HNRNPM: variants seen among roughly 807,000 people sequenced by gnomAD.
The protein encoded by HNRNPM is heterogeneous nuclear ribonucleoprotein M, also known as CEA receptor.
Under a neutral mutation model 73.1 loss-of-function variants are expected in HNRNPM, and 11 were observed. The observed-to-expected ratio is 0.15, with a 90% CI of 0.09 to 0.25. The LOEUF is 0.25. Ranked by LOEUF, HNRNPM falls within the 10% of genes least tolerant of loss-of-function variation. The pLI is 1.00. For missense variants in HNRNPM, 789 were observed against 1,067.9 expected (o/e 0.74, Z 3.64); for synonymous variants, 407 against 355.2 (o/e 1.15, Z -1.64).
intron 1 of HNRNPM, among the ~76,000 whole-genome samples, chr19:8,446,890 G>A (rs1209907755): frequency 6.6e-6 from 1 of 152,160 alleles, no homozygotes; most frequent in African/African-American, 2.4e-5. Context: ...CTCTGGGAAG[G>A]AATGTGTTAA....
At chr19:8,464,017 T>A (rs1969570688) in intron 5 of HNRNPM, among the ~76,000 whole-genome samples, 1 of 152,190 alleles carries the variant, frequency 6.6e-6, no homozygotes, top group Non-Finnish European at 1.5e-5. Flanking sequence ...TTGGCCCATC[T>A]TTTTTCTTTT....
intron 7 of HNRNPM, among the ~76,000 whole-genome samples, chr19:8,466,852 AG>A (rs958767388): frequency 7.2e-6 from 1 of 138,996 alleles, no homozygotes; most frequent in African/African-American, 2.6e-5. Flanking sequence ...AAAAAAAAAA[AG>A]GTTCTCTGGG....
intron 12 of HNRNPM, chr19:8,482,829 C>A (rs1034898667): frequency 9.7e-6 from 2 of 205,362 alleles, no homozygotes; most frequent in Non-Finnish European, 1.9e-5. Context: ...AAAACTGCCG[C>A]TGAGCGAGAC....
chr19:8,486,534 C>T (rs954521071), intron 14 of HNRNPM, 129 bp downstream of exon 14: 18 of 747,768 alleles, frequency 2.4e-5, no homozygotes, highest in Non-Finnish European at 3.4e-5. Context: ...CTGTCCCAAA[C>T]GTTTTATGCT....
intron 2 of HNRNPM, among the ~76,000 whole-genome samples, chr19:8,457,877 T>C (rs1969130027): frequency 6.6e-6 from 1 of 152,230 alleles, no homozygotes; most frequent in African/African-American, 2.4e-5. Flanking sequence ...ATAGAGGCAC[T>C]TACAACCCTA....
intron 12 of HNRNPM, among the ~76,000 whole-genome samples, chr19:8,479,081 T>TTC (rs1555707139): frequency 6.0e-5 from 6 of 100,794 alleles, no homozygotes; most frequent in African/African-American, 1.7e-4. Context: ...TTTCTTTCTT[T>TTC]TTTTTTTTTT....
intron 1 of HNRNPM, among the ~76,000 whole-genome samples, chr19:8,451,032 G>A (rs1331401891): frequency 5.3e-5 from 8 of 151,982 alleles, no homozygotes; most frequent in Non-Finnish European, 8.8e-5. Flanking sequence ...TCAGCCTCCC[G>A]AGTAGCTGGG....
At chr19:8,455,887 C>T (rs1429305166) in intron 2 of HNRNPM, among the ~76,000 whole-genome samples, 3 of 147,558 alleles carry the variant, frequency 2.0e-5, no homozygotes, top group African/African-American at 7.5e-5. Flanking sequence ...GGAGCCTTTT[C>T]GTGTTGAAAT....
chr19:8,470,699 G>A (rs1042286571), intron 9 of HNRNPM, among the ~76,000 whole-genome samples: 34 of 152,198 alleles, frequency 2.2e-4, no homozygotes, highest in Admixed American at 1.3e-3. Flanking sequence ...GATATTGCAA[G>A]TGTCAGCTCT....
At chr19:8,457,163 A>C (rs1455183735) in intron 2 of HNRNPM, among the ~76,000 whole-genome samples, 1 of 152,198 alleles carries the variant, frequency 6.6e-6, no homozygotes, top group African/African-American at 2.4e-5. Flanking sequence ...ATTGCAGGCC[A>C]AATTATTTTT....
At chr19:8,483,342 C>T in intron 13 of HNRNPM, 131 bp downstream of exon 13, 2 of 709,262 alleles carry the variant, frequency 2.8e-6, no homozygotes, top group Non-Finnish European at 5.0e-6. Context: ...CTGCCTTTTT[C>T]TAGCTGTGTG....
intron 5 of HNRNPM, 134 bp from the exon 6 acceptor site, chr19:8,465,190 C>G (rs556135227): frequency 4.1e-5 from 29 of 705,994 alleles, no homozygotes; most frequent in Admixed American, 8.3e-5. Context: ...ATTTGACTTT[C>G]TTGTTAATAG....
At position 8,487,051 on chromosome 19, in the gene HNRNPM, C is replaced by T; in HGVS notation, c.2005C>T (p.Leu669=). ...GCCATTCGATTTCACATGGAAGATGCTAAAGGACAAATTCAACGAGTGCGG... is the reference window on the plus strand; with the variant it reads ...GCCATTCGATTTCACATGGAAGATGTTAAAGGACAAATTCAACGAGTGCGG... ...NLPFDFTWKM[L]KDKFNECGHV... The change falls in exon 15 of 16, where the codon CTA becomes TTA. Residue 669 remains leucine (L), a synonymous_variant. Coordinates refer to ENST00000325495, the MANE Select transcript of HNRNPM (RefSeq NM_005968.5). 3.1e-6 allele frequency: 5 copies of T among 1,613,882 alleles called. No homozygotes were observed. Among genetic ancestry groups the T allele is most frequent in the Non-Finnish European group, 3.4e-6 (4 of 1,179,738 alleles).
At chr19:8,484,182 T>G (rs1267106654) in intron 13 of HNRNPM, among the ~76,000 whole-genome samples, 1 of 145,442 alleles carries the variant, frequency 6.9e-6, no homozygotes, top group African/African-American at 2.6e-5. Context: ...TCTTTTTTTT[T>G]TTTTTTTTTT....
intron 9 of HNRNPM, among the ~76,000 whole-genome samples, chr19:8,470,299 G>T (rs1376653151): frequency 6.6e-6 from 1 of 152,146 alleles, no homozygotes; most frequent in Non-Finnish European, 1.5e-5. Flanking sequence ...CTTTTTAAAT[G>T]AACTTTGTTT....
intron 2 of HNRNPM, among the ~76,000 whole-genome samples, chr19:8,460,935 A>G (rs943090844): frequency 1.8e-4 from 28 of 152,204 alleles, no homozygotes; most frequent in African/African-American, 6.8e-4. Context: ...ACATGGCCTC[A>G]GGGCGGCTGC....
At chr19:8,463,108 T>G (rs1462861046) in intron 3 of HNRNPM, among the ~76,000 whole-genome samples, 13 of 152,168 alleles carry the variant, frequency 8.5e-5, no homozygotes, top group African/African-American at 2.9e-4. Context: ...TGGCTTAGAA[T>G]AATCAAAAGG....
At chr19:8,464,708 G>T (rs1193492364) in intron 5 of HNRNPM, among the ~76,000 whole-genome samples, 1 of 152,152 alleles carries the variant, frequency 6.6e-6, no homozygotes, top group African/African-American at 2.4e-5. Context: ...GTGAAGCTTG[G>T]TAGGGTCTAA....
At chr19:8,479,096 T>TC (rs1970721209) in intron 12 of HNRNPM, among the ~76,000 whole-genome samples, 1 of 126,868 alleles carries the variant, frequency 7.9e-6, no homozygotes, top group Non-Finnish European at 1.6e-5. Flanking sequence ...TTTTTTTTTT[T>TC]TTTTTTCAAG....
Sources: gnomAD v4.1 joint callset for allele counts (sites outside exome capture counted in the v4.1 genomes callset) on GRCh38, gnomAD v4.1.1 for gene constraint, MANE v1.5 for transcripts, NCBI Gene and HGNC (gene_info 2026-07-23, HGNC 2026-07-21) for gene names.